SBNO2: variants seen among roughly 807,000 people sequenced by gnomAD.
SBNO2 encodes the protein protein strawberry notch homolog 2.
Under a neutral mutation model 146.3 loss-of-function variants are expected in SBNO2, and 89 were observed. The ratio of observed to expected loss-of-function variants is 0.61; its 90% CI spans 0.51 to 0.73. The LOEUF (loss-of-function observed/expected upper bound fraction) is 0.73, where lower values mean the gene tolerates loss of function less well. Ranked by LOEUF, SBNO2 falls within the 30% of genes least tolerant of loss-of-function variation. SBNO2 has a pLI of 0.00. For missense variants in SBNO2, 2,092 were observed against 2,003.7 expected, an observed-to-expected ratio of 1.04 and a Z score of -0.84; for synonymous variants, 1,147 against 892.6, an observed-to-expected ratio of 1.29 and a Z score of -5.08.
intron 4 of SBNO2, among the ~76,000 whole-genome samples, chr19:1,146,743 T>C (rs922467329): frequency 3.8e-4 from 44 of 116,714 alleles, no homozygotes; most frequent in African/African-American, 1.5e-3. Context: ...GTCCGCCTGA[T>C]GCCGCAGTGG....
In SBNO2 at chr19:1,126,681, C is replaced by T. The variant is rs1030459026; in HGVS notation, c.441+923G>A. ...CTTCCTGAGGGCCCGGGAGAGCGGC[C>T]TATGGGTGTGAGCCCACCACTGTGC... On this transcript the variant is annotated intron_variant, in intron 5 of 31. Coordinates refer to ENST00000361757, the MANE Select transcript of SBNO2 (RefSeq NM_014963.3). The surrounding 1 kb of genome is among the most constrained non-coding windows in gnomAD (Gnocchi z 4.4). 1.2e-4 allele frequency among the ~76,000 whole-genome samples: 18 copies of T among 152,200 alleles called. No individual in the cohort carries two copies. Among genetic ancestry groups the T allele is most frequent in the African/African-American group, 4.3e-4 (18 of 41,458 alleles).
At chr19:1,143,463 C>T (rs1320099064) in intron 4 of SBNO2, among the ~76,000 whole-genome samples, 1 of 152,116 alleles carries the variant, frequency 6.6e-6, no homozygotes, top group Non-Finnish European at 1.5e-5. Context: ...CAGAGCCAGA[C>T]CCTGTCTCTA....
intron 4 of SBNO2, among the ~76,000 whole-genome samples, chr19:1,139,185 C>T (rs964490835): frequency 2.0e-5 from 3 of 152,222 alleles, no homozygotes; most frequent in African/African-American, 7.2e-5. Flanking sequence ...TCTGACCCAG[C>T]CATAGCTCGG....
chr19:1,171,010 G>A (rs1368301056), intron 1 of SBNO2, among the ~76,000 whole-genome samples: 1 of 151,130 alleles, frequency 6.6e-6, no homozygotes, highest in Non-Finnish European at 1.5e-5. Context: ...ACAGGCACGG[G>A]CAACACACAA....
chr19:1,108,826 T>C lies in SBNO2; in HGVS notation c.3569A>G (p.Tyr1190Cys). 1 of 1,602,402 alleles carries C rather than the reference T, an allele frequency of 6.2e-7. No homozygotes were observed. Among genetic ancestry groups the C allele is most frequent in the African/African-American group, 1.3e-5 (1 of 74,962 alleles). Residue 1190 changes from tyrosine (Y) to cysteine (C), a missense_variant, in exon 31 of 32, where the codon TAC (tyrosine) becomes TGC (cysteine). Physicochemically the swap from Tyr to Cys is radical, Grantham distance 194 (BLOSUM62 -2). Transcript: ENST00000361757. ...AVMADVSSSS[Y>C]LQIVRLKTKD... ...GGTCTTCAGCCGCACGATCTGCAGG[T>C]AGCTGCTGCTGCTGACGTCGGCCAT...
rs1017324373 is a variant in SBNO2, at chr19:1,136,157, G to A, written c.280-8392C>T. On this transcript the variant is annotated intron_variant, in intron 4 of 31. Coordinates refer to ENST00000361757, the MANE Select transcript of SBNO2 (RefSeq NM_014963.3). The surrounding 1 kb of genome is among the most constrained non-coding windows in gnomAD (Gnocchi z 4.2). ...CTGCGGCCACAGCCAGGGGATGCCC[G>A]GATCCCCCAGATGCTGGAGGGGCCG... Among the ~76,000 whole-genome samples the A allele has an allele frequency of 3.4e-4, 52 of 152,274 alleles. No homozygotes were observed. The highest frequency in any genetic ancestry group is 4.6e-4 in the African/African-American group (19 of 41,558).
intron 4 of SBNO2, chr19:1,132,279 T>C (rs1163924997): frequency 3.1e-6 from 4 of 1,311,372 alleles, no homozygotes; most frequent in African/African-American, 1.5e-5. Flanking sequence ...CATGTCGGTT[T>C]AGTCACCGCC....
intron 4 of SBNO2, among the ~76,000 whole-genome samples, chr19:1,143,161 C>T (rs778513701): frequency 1.3e-5 from 2 of 152,048 alleles, no homozygotes; most frequent in Non-Finnish European, 2.9e-5. Flanking sequence ...CCCTCGCTCC[C>T]GTGAAAAGCT....
chr19:1,154,218 G>A lies in SBNO2; in HGVS notation c.59C>T (p.Ala20Val), dbSNP rs368599734. ...CGGCGGGCTGTACAGGAGGCTGCCC[G>A]CCGGCGGGGGTTCATGCTGCGGGTA... The part of the protein sequence containing the change: ...RDYPQHEPPP[A>V]GSLLYSPPPL... The change falls in exon 2 of 32, where the codon GCG becomes GTG. Residue 20 changes from alanine (A) to valine (V), a missense_variant. Transcript: ENST00000361757. 4.1e-5 allele frequency: 51 copies of A among 1,258,318 alleles called. No homozygotes were observed. The highest frequency in any genetic ancestry group is 1.5e-4 in the African/African-American group (10 of 65,416). The allele number at this position is 1,258,318 out of a possible 1,614,324, so 77.9% of individuals were successfully genotyped here. A position where few individuals can be genotyped will look rare whatever the true frequency, so the allele number is the denominator to read the frequency against.
rs747334665 is a variant in SBNO2 at position 1,108,691 on chromosome 19, G to C, written c.3630C>G (p.Pro1210=). ...GCAGCACCCGGCGCACGCAGCCCTCGGGGATCTTGATGCCTGCGGGCAGAG... is the reference window on the plus strand; with the variant it reads ...GCAGCACCCGGCGCACGCAGCCCTCCGGGATCTTGATGCCTGCGGGCAGAG... ...DRKKQVGIKI[P]EGCVRRVLQE... The change falls in exon 32 of 32, where the codon CCC becomes CCG. Residue 1210 remains proline, a synonymous_variant. Coordinates refer to ENST00000361757, the MANE Select transcript of SBNO2 (RefSeq NM_014963.3). 2.6e-6 allele frequency: 4 copies of C among 1,545,292 alleles called. No homozygotes were observed. The highest frequency in any genetic ancestry group is 2.4e-5 in the East Asian group (1 of 41,270).
rs550410578 is a variant in SBNO2 at position 1,144,124 on chromosome 19, G to A, written c.279+3185C>T. 8.8e-4 allele frequency among the ~76,000 whole-genome samples: 133 copies of A among 151,590 alleles called. No homozygotes were observed. Among genetic ancestry groups the A allele is most frequent in the African/African-American group, 3.0e-3 (123 of 41,282 alleles). Reference sequence around the variant, plus strand: ...CACGCGGCCCAGCCCACAGGCCTGGGCTGACTCATACCCGTCCCGTCCCAC... The same window carrying A: ...CACGCGGCCCAGCCCACAGGCCTGGACTGACTCATACCCGTCCCGTCCCAC... On this transcript the variant is annotated intron_variant, in intron 4 of 31. Transcript: ENST00000361757. This position sits in a 1 kb window ranked among gnomAD's most constrained non-coding sequence, Gnocchi z 4.1.
chr19:1,154,441 T>C (rs1040228003), intron 1 of SBNO2, 39 bp from the exon 2 acceptor site: 4 of 391,324 alleles, frequency 1.0e-5, no homozygotes, highest in Non-Finnish European at 1.8e-5. Flanking sequence ...AGTCCAACGG[T>C]GGTGGAGAGT....
intron 19 of SBNO2, among the ~76,000 whole-genome samples, chr19:1,113,244 C>T (rs1033782587): frequency 6.6e-6 from 1 of 152,126 alleles, no homozygotes; most frequent in Non-Finnish European, 1.5e-5. Flanking sequence ...TGGCCCTGGG[C>T]ACCCCAAGGG....
At chr19:1,148,069 C>T (rs924232027) in intron 3 of SBNO2, among the ~76,000 whole-genome samples, 3 of 152,166 alleles carry the variant, frequency 2.0e-5, no homozygotes, top group Middle Eastern at 3.4e-3. Context: ...GAGGGGTGGC[C>T]GCCGTCCCCA....
Position 1,173,748 on chromosome 19 carries a change from C to T in SBNO2, c.-127+424G>A, listed in dbSNP as rs2080503409. 1 of 152,294 alleles carries T rather than the reference C, an allele frequency of 6.6e-6. No homozygotes were observed. Among genetic ancestry groups the T allele is most frequent in the African/African-American group, 2.4e-5 (1 of 41,352 alleles). 9.4% of individuals were successfully genotyped at this position (152,294 alleles called of 1,614,324 possible). A position where few individuals can be genotyped will look rare whatever the true frequency, so the allele number is the denominator to read the frequency against. Reference sequence around the variant, plus strand: ...CCGAGGAAAAGCGGGTGCGGGGTCACCAAGGGGCTCGGGGGCACCGATGAG... The same window carrying T: ...CCGAGGAAAAGCGGGTGCGGGGTCATCAAGGGGCTCGGGGGCACCGATGAG... On this transcript the variant is annotated intron_variant, in intron 1 of 31. Coordinates refer to ENST00000361757, the MANE Select transcript of SBNO2 (RefSeq NM_014963.3). This position sits in a 1 kb window ranked among gnomAD's most constrained non-coding sequence, Gnocchi z 4.7.
Position 1,122,493 on chromosome 19 carries a change from C to T in SBNO2, c.980G>A (p.Gly327Asp), listed in dbSNP as rs867227715. 2 of 1,572,974 alleles carry T rather than the reference C, an allele frequency of 1.3e-6. No individual in the cohort carries two copies. Among genetic ancestry groups the T allele is most frequent in the Non-Finnish European group, 8.6e-7 (1 of 1,161,354 alleles). ...ERDLRDIEAT[G>D]IAVHALSKIK... Reference sequence around the variant, plus strand: ...CTTGCTGAGCGCGTGCACCGCGATGCCCGTGGCTTCGATGTCCCGCAGGTC... The same window carrying T: ...CTTGCTGAGCGCGTGCACCGCGATGTCCGTGGCTTCGATGTCCCGCAGGTC... Residue 327 changes from glycine (G) to aspartate (D), a missense_variant, in exon 10 of 32, where the codon GGC becomes GAC. Gly to Asp is a moderately conservative substitution (Grantham distance 94). Coordinates refer to ENST00000361757, the MANE Select transcript of SBNO2 (RefSeq NM_014963.3).
At chr19:1,147,504 G>T in intron 3 of SBNO2, 84 bp from the exon 4 acceptor site, 1 of 777,622 alleles carries the variant, frequency 1.3e-6, no homozygotes, top group Non-Finnish European at 2.0e-6. Flanking sequence ...CATGGCCGCA[G>T]CCAGAGGCCC....
At chr19:1,133,676 G>A (rs953818631) in intron 4 of SBNO2, among the ~76,000 whole-genome samples, 6 of 152,198 alleles carry the variant, frequency 3.9e-5, no homozygotes, top group Non-Finnish European at 8.8e-5. Context: ...CAATGGGGAA[G>A]AAACCCACGG....
chr19:1,123,851 C>A (rs747881310), intron 6 of SBNO2, 91 bp downstream of exon 6: 1 of 1,339,342 alleles, frequency 7.5e-7, no homozygotes. Context: ...GCCAGCCAAG[C>A]GCTCCCCACA....
Sources: allele counts gnomAD v4.1 joint callset (sites outside exome capture counted in the v4.1 genomes callset), GRCh38; gene constraint gnomAD v4.1.1; non-coding constraint Gnocchi (gnomAD v3.1); transcripts MANE v1.5; gene names NCBI Gene and HGNC (gene_info 2026-07-23, HGNC 2026-07-21).